The following DDAH1 variants were observed in gnomAD, a reference collection of about 807,000 sequenced individuals.
DDAH1 encodes N(G),N(G)-dimethylarginine dimethylaminohydrolase 1.
Under a neutral mutation model 28.8 loss-of-function variants are expected in DDAH1, and 19 were observed. That is an observed-to-expected ratio of 0.66 (90% CI 0.46 to 0.97). The LOEUF (loss-of-function observed/expected upper bound fraction) is 0.97, where lower values mean the gene tolerates loss of function less well. Ranked by LOEUF, DDAH1 falls within the 50% of genes least tolerant of loss-of-function variation. The pLI, the probability that DDAH1 is intolerant of heterozygous loss-of-function variation, is 0.00. For missense variants in DDAH1, 326 were observed against 375.9 expected, an observed-to-expected ratio of 0.87 and a Z score of 1.10; for synonymous variants, 153 against 154.4, an observed-to-expected ratio of 0.99 and a Z score of 0.07.
chr1:85,374,574 A>G (rs1000913134), intron 1 of DDAH1, among the ~76,000 whole-genome samples: 3 of 152,156 alleles, frequency 2.0e-5, no homozygotes, highest in Non-Finnish European at 2.9e-5. Flanking sequence ...GAGAAATTAG[A>G]AAGTATAGAT....
intron 1 of DDAH1, among the ~76,000 whole-genome samples, chr1:85,531,327 C>T (rs1311066959): frequency 6.6e-6 from 1 of 151,944 alleles, no homozygotes; most frequent in African/African-American, 2.4e-5. Flanking sequence ...CTTGCTGTTT[C>T]CTCATAATGT....
intron 1 of DDAH1, among the ~76,000 whole-genome samples, chr1:85,462,429 G>A (rs575586222): frequency 6.6e-6 from 1 of 152,134 alleles, no homozygotes; most frequent in African/African-American, 2.4e-5. Flanking sequence ...TGTGGGAATG[G>A]AATGGAAAAT....
chr1:85,323,952 G>C (rs1384647551), intron 5 of DDAH1, among the ~76,000 whole-genome samples: 1 of 137,932 alleles, frequency 7.2e-6, no homozygotes, highest in Non-Finnish European at 1.5e-5. Context: ...CTTGGCAACA[G>C]AGCAAGATCC....
chr1:85,576,773 A>T (rs1659619067), intron 1 of DDAH1: 1 of 152,276 alleles, frequency 6.6e-6, no homozygotes, highest in African/African-American at 2.4e-5. Flanking sequence ...CCAGCCTCCC[A>T]CGCAGCGCAG....
chr1:85,357,852 G>A (rs1030837284), intron 2 of DDAH1, among the ~76,000 whole-genome samples: 2 of 152,202 alleles, frequency 1.3e-5, no homozygotes, highest in Non-Finnish European at 2.9e-5. Flanking sequence ...GAGTTGAAAA[G>A]GTTAAATGCT....
chr1:85,439,973 A>G (rs1654118625), intron 1 of DDAH1, among the ~76,000 whole-genome samples: 1 of 152,228 alleles, frequency 6.6e-6, no homozygotes, highest in African/African-American at 2.4e-5. Context: ...TCATAGTTCT[A>G]CATAAAGAAG....
At chr1:85,369,055 CTTTTTTTTTTT>C (rs36109764) in intron 1 of DDAH1, among the ~76,000 whole-genome samples, 1 of 84,610 alleles carries the variant, frequency 1.2e-5, no homozygotes, top group African/African-American at 4.7e-5. Flanking sequence ...CCAGGGGATT[CTTTTTTTTTTT>C]TTTTTTTTTT....
chr1:85,408,515 CA>C (rs1652511476), intron 1 of DDAH1, among the ~76,000 whole-genome samples: 1 of 151,978 alleles, frequency 6.6e-6, no homozygotes, highest in African/African-American at 2.4e-5. Context: ...ACTTACTTTA[CA>C]AAAAAAGTAC....
intron 1 of DDAH1, among the ~76,000 whole-genome samples, chr1:85,372,253 G>C (rs1438523899): frequency 6.6e-6 from 1 of 152,110 alleles, no homozygotes; most frequent in East Asian, 1.9e-4. Flanking sequence ...CACCAGCTGA[G>C]TATTTGGATG....
chr1:85,358,178 C>T (rs1157695115), intron 2 of DDAH1, among the ~76,000 whole-genome samples: 1 of 152,156 alleles, frequency 6.6e-6, no homozygotes, highest in Non-Finnish European at 1.5e-5. Flanking sequence ...TGGTGATGTA[C>T]ATACCAATAA....
At chr1:85,504,523 A>G (rs996456496) in intron 1 of DDAH1, among the ~76,000 whole-genome samples, 1 of 152,218 alleles carries the variant, frequency 6.6e-6, no homozygotes, top group Non-Finnish European at 1.5e-5. Flanking sequence ...TCACAGTAGC[A>G]TAACCAAGCA....
intron 1 of DDAH1, among the ~76,000 whole-genome samples, chr1:85,505,311 A>T (rs1656977548): frequency 6.6e-6 from 1 of 152,092 alleles, no homozygotes; most frequent in Admixed American, 6.6e-5. Context: ...TATGTCTTAC[A>T]CCAGAGTAGG....
rs576524321 is a variant in DDAH1 at position 85,491,768 on chromosome 1, G to T, written c.-7+4398C>A. On this transcript the variant is annotated intron_variant, in intron 2 of 6. Coordinates refer to the DDAH1 transcript ENST00000426972. ...CATATATTGGTTATCTGGTTGGTTTGATGTCAGTGTTTTTTCTGTATCTTT... is the reference window on the plus strand; with the variant it reads ...CATATATTGGTTATCTGGTTGGTTTTATGTCAGTGTTTTTTCTGTATCTTT... Among the ~76,000 whole-genome samples the T allele has an allele frequency of 2.0e-5, 3 of 152,268 alleles. No individual in the cohort carries two copies. In the East Asian group the frequency reaches 5.8e-4, roughly 29 times the overall value.
At chr1:85,540,561 T>C (rs1228962716) in intron 1 of DDAH1, among the ~76,000 whole-genome samples, 1 of 152,210 alleles carries the variant, frequency 6.6e-6, no homozygotes, top group Non-Finnish European at 1.5e-5. Context: ...CTTCAAGACC[T>C]AGACTATAAT....
At chr1:85,449,101 A>G (rs1448582998) in intron 1 of DDAH1, among the ~76,000 whole-genome samples, 1 of 152,222 alleles carries the variant, frequency 6.6e-6, no homozygotes, top group African/African-American at 2.4e-5. Flanking sequence ...AAAATGGCCC[A>G]ATAGCACAAG....
At chr1:85,477,795 TTAAACATC>T (rs1655854281) in intron 2 of DDAH1, among the ~76,000 whole-genome samples, 2 of 152,070 alleles carry the variant, frequency 1.3e-5, no homozygotes, top group Non-Finnish European at 2.9e-5. Flanking sequence ...GGGAATTTAT[TTAAACATC>T]TCAACCATCA....
At chr1:85,554,280 T>TTG (rs1658895262) in intron 1 of DDAH1, among the ~76,000 whole-genome samples, 1 of 149,232 alleles carries the variant, frequency 6.7e-6, no homozygotes, top group South Asian at 2.1e-4. Context: ...GTAAGAGTTT[T>TTG]TTTTTTTTTT....
intron 1 of DDAH1, among the ~76,000 whole-genome samples, chr1:85,375,296 A>T (rs981039426): frequency 3.3e-5 from 5 of 152,090 alleles, no homozygotes; most frequent in African/African-American, 7.2e-5. Context: ...TTCTCTGTGG[A>T]TATACAGAGC....
intron 2 of DDAH1, among the ~76,000 whole-genome samples, chr1:85,351,839 A>T (rs1282008757): frequency 6.6e-6 from 1 of 152,164 alleles, no homozygotes; most frequent in Non-Finnish European, 1.5e-5. Flanking sequence ...TGTTTAATGG[A>T]TAGGAAGTTT....
Sources: allele counts gnomAD v4.1 joint callset (sites outside exome capture counted in the v4.1 genomes callset), GRCh38; gene constraint gnomAD v4.1.1; transcripts MANE v1.5; gene names NCBI Gene and HGNC (gene_info 2026-07-23, HGNC 2026-07-21).